NRXN3: variants seen among roughly 807,000 people sequenced by gnomAD.
NRXN3 encodes neurexin 3.
NRXN3 carries 32 observed loss-of-function variants against 137.6 expected under a neutral mutation model. That is an observed-to-expected ratio of 0.23 (90% CI 0.18 to 0.31). The LOEUF (loss-of-function observed/expected upper bound fraction) is 0.31, where lower values mean the gene tolerates loss of function less well. Ranked by LOEUF, NRXN3 falls within the 10% of genes least tolerant of loss-of-function variation. The pLI is 1.00. For synonymous variants in NRXN3, 798 were observed against 784.5 expected (o/e 1.02, Z -0.29); for missense variants, 1,574 against 2,062.5 (o/e 0.76, Z 4.59).
chr14:79,527,770 T>C (rs943110966), intron 16 of NRXN3, among the ~76,000 whole-genome samples: 8 of 149,872 alleles, frequency 5.3e-5, no homozygotes, highest in African/African-American at 1.5e-4. Flanking sequence ...ACTTGGGAGG[T>C]TGAGGCAGGA....
At chr14:78,266,870 G>A (rs2071836480) in intron 2 of NRXN3, among the ~76,000 whole-genome samples, 1 of 152,148 alleles carries the variant, frequency 6.6e-6, no homozygotes, top group Admixed American at 6.5e-5. Flanking sequence ...AAGCTGCCAA[G>A]GGGCTTAGAA....
At chr14:79,563,897 G>C (rs1485466702) in intron 16 of NRXN3, among the ~76,000 whole-genome samples, 1 of 151,914 alleles carries the variant, frequency 6.6e-6, no homozygotes, top group Non-Finnish European at 1.5e-5. Context: ...GGGTCTTATT[G>C]ACTTATCTTG....
At position 79,662,083 on chromosome 14, in the gene NRXN3, G is replaced by A. The variant is rs529329969; in HGVS notation, c.3445-1695G>A. ...TGGCACTTCTCCTTCCTGCTGCCAC[G>A]TGAAGAAGGATGTGTTTGCTTTCCA... On this transcript the variant is annotated intron_variant, in intron 16 of 20. Coordinates refer to ENST00000335750, the MANE Select transcript of NRXN3 (RefSeq NM_001330195.2). Among the ~76,000 whole-genome samples the A allele has an allele frequency of 5.3e-5, 8 of 152,184 alleles. No homozygotes were observed. In the South Asian group the frequency reaches 6.2e-4, roughly 12 times the overall value.
At chr14:78,639,075 C>T (rs982816427) in intron 4 of NRXN3, among the ~76,000 whole-genome samples, 1 of 152,212 alleles carries the variant, frequency 6.6e-6, no homozygotes, top group Non-Finnish European at 1.5e-5. Flanking sequence ...ACAATATAGC[C>T]CCTGCTGGGT....
intron 3 of NRXN3, among the ~76,000 whole-genome samples, chr14:78,289,811 G>A (rs891198768): frequency 7.2e-5 from 11 of 152,162 alleles, no homozygotes; most frequent in Non-Finnish European, 2.9e-5. Context: ...CCACTGGGAA[G>A]GCTGGGGCAG....
chr14:78,807,741 A>T (rs71428797), intron 9 of NRXN3, among the ~76,000 whole-genome samples: 3 of 116,614 alleles, frequency 2.6e-5, no homozygotes, highest in South Asian at 2.9e-4. Context: ...TCTCAAAAAA[A>T]AAAAAAAAAA....
At chr14:78,986,291 C>T (rs909488366) in intron 14 of NRXN3, among the ~76,000 whole-genome samples, 1 of 152,132 alleles carries the variant, frequency 6.6e-6, no homozygotes, top group Admixed American at 6.6e-5. Context: ...ATCTCGTTTG[C>T]TGAGATTCTC....
intron 15 of NRXN3, among the ~76,000 whole-genome samples, chr14:79,078,167 G>C (rs1443231612): frequency 1.3e-5 from 2 of 152,042 alleles, no homozygotes; most frequent in Non-Finnish European, 2.9e-5. Context: ...AGAATCACAG[G>C]ATCTCAGGGT....
chr14:79,784,614 CTTTT>C (rs540234381), intron 19 of NRXN3, among the ~76,000 whole-genome samples: 18 of 76,584 alleles, frequency 2.4e-4, no homozygotes, highest in African/African-American at 8.2e-4. Flanking sequence ...TGTTGTGTTG[CTTTT>C]TTTTTTTTTT....
intron 1 of NRXN3, among the ~76,000 whole-genome samples, chr14:78,223,975 C>T (rs77852427): frequency 1.3e-5 from 2 of 152,110 alleles, no homozygotes; most frequent in East Asian, 1.9e-4. Flanking sequence ...GGGATCAAGC[C>T]CGGGCCCCTC....
At chr14:79,264,522 A>ATG (rs34099529) in intron 15 of NRXN3, among the ~76,000 whole-genome samples, 32,438 of 145,116 alleles carry the variant, frequency 0.22, 3,931 homozygotes, top group Admixed American at 0.34. Context: ...TGTTTACATG[A>ATG]TGTGTGTGTG....
chr14:79,168,836 CTAAATT>C (rs2153087033), intron 15 of NRXN3, among the ~76,000 whole-genome samples: 1 of 152,086 alleles, frequency 6.6e-6, no homozygotes, highest in African/African-American at 2.4e-5. Flanking sequence ...AATGTAATAC[CTAAATT>C]TATAGTATGT....
chr14:78,966,987 T>A (rs1414869452), intron 12 of NRXN3, among the ~76,000 whole-genome samples: 2 of 152,144 alleles, frequency 1.3e-5, no homozygotes, highest in African/African-American at 4.8e-5. Context: ...TATTAGTAGG[T>A]AGTGTTAATG....
chr14:78,444,919 CAAAAAAAAAAAAAA>C (rs56400913), intron 4 of NRXN3, among the ~76,000 whole-genome samples: 1 of 47,110 alleles, frequency 2.1e-5, no homozygotes, highest in Non-Finnish European at 3.5e-5. Flanking sequence ...AACTCTGTCT[CAAAAAAAAAAAAAA>C]AAAAAAAAAA....
At chr14:78,643,702 C>T (rs144617980) in intron 4 of NRXN3, among the ~76,000 whole-genome samples, 27 of 152,272 alleles carry the variant, frequency 1.8e-4, no homozygotes, top group Admixed American at 3.3e-4. Context: ...TCTCTTCCCA[C>T]CTTTGGCTTT....
intron 4 of NRXN3, among the ~76,000 whole-genome samples, chr14:78,374,578 C>G (rs2087466619): frequency 6.6e-6 from 1 of 152,022 alleles, no homozygotes; most frequent in Admixed American, 6.5e-5. Context: ...TGAGACCAGT[C>G]TGGCCAACAT....
intron 20 of NRXN3, among the ~76,000 whole-genome samples, chr14:79,815,840 A>G (rs1001184303): frequency 1.3e-5 from 2 of 152,174 alleles, no homozygotes; most frequent in Non-Finnish European, 2.9e-5. Flanking sequence ...TACACTATAG[A>G]CGTCAAGAAC....
In NRXN3 at chr14:78,916,173, G is replaced by T. The variant is rs367586968; in HGVS notation, c.2276-41069G>T. Reference sequence around the variant, plus strand: ...GGGACTGTTTTTATCACAAAAAGGGGCACTATTAATAATTACACTGGAATG... The same window carrying T: ...GGGACTGTTTTTATCACAAAAAGGGTCACTATTAATAATTACACTGGAATG... On this transcript the variant is annotated intron_variant, in intron 10 of 20. Coordinates refer to ENST00000335750, the MANE Select transcript of NRXN3 (RefSeq NM_001330195.2). 3.3e-5 allele frequency among the ~76,000 whole-genome samples: 5 copies of T among 152,036 alleles called. No homozygotes were observed. In the South Asian group the frequency reaches 6.2e-4, roughly 19 times the overall value.
chr14:79,131,167 T>C (rs928666361), intron 15 of NRXN3, among the ~76,000 whole-genome samples: 1 of 152,232 alleles, frequency 6.6e-6, no homozygotes, highest in African/African-American at 2.4e-5. Flanking sequence ...TGAAGCCTTC[T>C]TCTCTCAGCT....
Sources: allele counts gnomAD v4.1 joint callset (sites outside exome capture counted in the v4.1 genomes callset), GRCh38; gene constraint gnomAD v4.1.1; transcripts MANE v1.5; gene names NCBI Gene and HGNC (gene_info 2026-07-23, HGNC 2026-07-21).